Variants in TAFA2 observed in about 807,000 individuals in gnomAD.
The protein encoded by TAFA2 is chemokine-like protein TAFA-2.
A neutral mutation model predicts 18.8 loss-of-function variants in TAFA2; 7 were observed. That is an observed-to-expected ratio of 0.37 (90% CI 0.21 to 0.70). The LOEUF (loss-of-function observed/expected upper bound fraction) is 0.70, where lower values mean the gene tolerates loss of function less well. Ranked by LOEUF, TAFA2 falls within the 30% of genes least tolerant of loss-of-function variation. The pLI is 0.53. For missense variants in TAFA2, 122 were observed against 158.1 expected (o/e 0.77, Z 1.23); for synonymous variants, 60 against 54.2 (o/e 1.11, Z -0.47).
At chr12:61,766,637 A>G (rs1869804623) in intron 2 of TAFA2, among the ~76,000 whole-genome samples, 2 of 152,122 alleles carry the variant, frequency 1.3e-5, no homozygotes, top group African/African-American at 4.8e-5. Flanking sequence ...GACCAAATCT[A>G]TGGCTTTTAA....
intron 1 of TAFA2, among the ~76,000 whole-genome samples, chr12:62,017,249 A>T (rs1880968391): frequency 6.6e-6 from 1 of 152,132 alleles, no homozygotes; most frequent in Non-Finnish European, 1.5e-5. Flanking sequence ...ATAGCTTAAG[A>T]TACTGTAGAC....
chr12:61,763,678 G>A (rs924771544), intron 2 of TAFA2, among the ~76,000 whole-genome samples: 2 of 151,920 alleles, frequency 1.3e-5, no homozygotes, highest in Non-Finnish European at 2.9e-5. Context: ...TGAGCCAAAA[G>A]TATGTCTGGT....
Position 61,771,968 on chromosome 12 carries a change from T to C in TAFA2, c.107-16944A>G, listed in dbSNP as rs574485244. Among the ~76,000 whole-genome samples the C allele has an allele frequency of 4.7e-5, 7 of 147,786 alleles. No homozygotes were observed. The South Asian group carries it at 1.5e-3, about 31-fold the overall frequency. Reference sequence around the variant, plus strand: ...GTTTCTTTGAAAAGATAAACAAAATTGATAGACCATTAACAAGATTAAATA... The same window carrying C: ...GTTTCTTTGAAAAGATAAACAAAATCGATAGACCATTAACAAGATTAAATA... On this transcript the variant is annotated intron_variant, in intron 2 of 4. Transcript: ENST00000416284.
intron 2 of TAFA2, among the ~76,000 whole-genome samples, chr12:61,813,375 A>G (rs1488691535): frequency 2.6e-5 from 4 of 151,276 alleles, no homozygotes; most frequent in Non-Finnish European, 5.9e-5. Flanking sequence ...CTTAATCTAT[A>G]TAGTAAGAAT....
At chr12:61,932,090 A>G (rs1877579105) in intron 1 of TAFA2, among the ~76,000 whole-genome samples, 1 of 152,166 alleles carries the variant, frequency 6.6e-6, no homozygotes, top group Non-Finnish European at 1.5e-5. Context: ...TCCTCCTCCA[A>G]ATTACTAAAA....
chr12:62,064,081 G>GA (rs1279341258), intron 1 of TAFA2, among the ~76,000 whole-genome samples: 1 of 152,032 alleles, frequency 6.6e-6, no homozygotes, highest in Non-Finnish European at 1.5e-5. Context: ...TCATTTTAGA[G>GA]ATGAGAAAAC....
intron 1 of TAFA2, among the ~76,000 whole-genome samples, chr12:62,155,337 T>A (rs1335380400): frequency 1.3e-5 from 2 of 152,142 alleles, no homozygotes; most frequent in Admixed American, 6.5e-5. Flanking sequence ...TGCTCATGGA[T>A]GGGTAGTATC....
intron 4 of TAFA2, among the ~76,000 whole-genome samples, chr12:61,729,649 TAA>T (rs541938564): frequency 2.3e-4 from 35 of 152,144 alleles, no homozygotes; most frequent in African/African-American, 6.5e-4. Context: ...TAAATTTCTT[TAA>T]GTTTGTTTTC....
At chr12:62,163,764 T>A (rs930395700) in intron 1 of TAFA2, among the ~76,000 whole-genome samples, 1 of 152,148 alleles carries the variant, frequency 6.6e-6, no homozygotes, top group Admixed American at 6.6e-5. Context: ...CAAACTAATG[T>A]AAATCCCTCA....
At chr12:62,113,188 A>T (rs1869812072) in intron 1 of TAFA2, among the ~76,000 whole-genome samples, 1 of 151,900 alleles carries the variant, frequency 6.6e-6, no homozygotes, top group Admixed American at 6.6e-5. Flanking sequence ...CTTTTTGTTG[A>T]TGTTGATGCT....
intron 2 of TAFA2, among the ~76,000 whole-genome samples, chr12:61,799,753 C>T (rs1206906939): frequency 2.6e-5 from 4 of 152,078 alleles, no homozygotes; most frequent in African/African-American, 7.2e-5. Context: ...ACCCGGGAGG[C>T]GGAGCTTGCA....
chr12:61,880,872 A>C (rs911381039), intron 1 of TAFA2: 1 of 192,894 alleles, frequency 5.2e-6, no homozygotes, highest in African/African-American at 2.4e-5. Context: ...CAGGAGACCC[A>C]CCTGAGACTC....
chr12:61,856,398 A>G (rs535185971), intron 2 of TAFA2, among the ~76,000 whole-genome samples: 1 of 152,084 alleles, frequency 6.6e-6, no homozygotes, highest in Admixed American at 6.5e-5. Flanking sequence ...AAACCAATAG[A>G]AGTTTTACTT....
intron 1 of TAFA2, among the ~76,000 whole-genome samples, chr12:61,974,473 T>A (rs1053115929): frequency 6.6e-6 from 1 of 151,852 alleles, no homozygotes; most frequent in Non-Finnish European, 1.5e-5. Flanking sequence ...TTAAGATGAT[T>A]TGATGCTATA....
At chr12:62,159,226 A>G (rs1301451403) in intron 1 of TAFA2, among the ~76,000 whole-genome samples, 1 of 152,204 alleles carries the variant, frequency 6.6e-6, no homozygotes, top group Non-Finnish European at 1.5e-5. Context: ...TCACTCGCCA[A>G]AAGGTGGGTG....
chr12:61,748,820 A>T (rs7961921), intron 4 of TAFA2, among the ~76,000 whole-genome samples: 52,279 of 152,016 alleles, frequency 0.34, 9,308 homozygotes, highest in Non-Finnish European at 0.39. Context: ...GTCACATGGA[A>T]CCCAAGAATA....
chr12:62,035,898 T>C (rs1453635124), intron 1 of TAFA2, among the ~76,000 whole-genome samples: 3 of 151,452 alleles, frequency 2.0e-5, no homozygotes, highest in African/African-American at 4.9e-5. Flanking sequence ...CGCGCCACCA[T>C]GCCCGGCTAA....
At chr12:61,866,934 AATTTT>A (rs1018838012) in intron 2 of TAFA2, among the ~76,000 whole-genome samples, 7 of 151,356 alleles carry the variant, frequency 4.6e-5, no homozygotes, top group African/African-American at 1.7e-4. Flanking sequence ...AGCCAGGGTA[AATTTT>A]ATTTTATTTT....
chr12:61,822,417 T>C (rs1159857626), intron 2 of TAFA2, among the ~76,000 whole-genome samples: 1 of 152,196 alleles, frequency 6.6e-6, no homozygotes, highest in Non-Finnish European at 1.5e-5. Flanking sequence ...GTCCTGCTCC[T>C]ATTCCAATCT....
Sources: gnomAD v4.1 joint callset for allele counts (sites outside exome capture counted in the v4.1 genomes callset) on GRCh38, gnomAD v4.1.1 for gene constraint, MANE v1.5 for transcripts, NCBI Gene and HGNC (gene_info 2026-07-23, HGNC 2026-07-21) for gene names.